The following ADAMTS15 variants were observed in gnomAD, a reference collection of about 807,000 sequenced individuals.
ADAMTS15 encodes A disintegrin and metalloproteinase with thrombospondin motifs 15.
A neutral mutation model predicts 79.1 loss-of-function variants in ADAMTS15; 35 were observed. That is an observed-to-expected ratio of 0.44 (90% confidence interval 0.34 to 0.59). ADAMTS15 has a LOEUF of 0.59. Ranked by LOEUF, ADAMTS15 falls within the 20% of genes least tolerant of loss-of-function variation. ADAMTS15 has a pLI of 0.02. For synonymous variants in ADAMTS15, 616 were observed against 567.3 expected (o/e 1.09, Z -1.22); for missense variants, 1,324 against 1,318.7 (o/e 1.00, Z -0.06).
intron 5 of ADAMTS15, 55 bp downstream of exon 5, chr11:130,469,494 C>T (rs187030729): frequency 7.2e-6 from 9 of 1,255,270 alleles, no homozygotes; most frequent in African/African-American, 4.6e-5. Flanking sequence ...GGCTGGAGGT[C>T]CCCCCACCCC....
At chr11:130,470,759 G>A (rs1383888294) in intron 5 of ADAMTS15, among the ~76,000 whole-genome samples, 161 bp from the exon 6 acceptor site, 3 of 152,130 alleles carry the variant, frequency 2.0e-5, no homozygotes, top group African/African-American at 7.2e-5. Flanking sequence ...GGTCCTTTGG[G>A]CCCAGCCTGC....
intron 1 of ADAMTS15, among the ~76,000 whole-genome samples, chr11:130,452,415 T>C (rs1485272602): frequency 3.3e-5 from 5 of 152,022 alleles, no homozygotes; most frequent in Middle Eastern, 3.2e-3. Context: ...AGAGCCAGAG[T>C]GTTTCTCATT....
At chr11:130,468,939 C>CA (rs911391031) in intron 4 of ADAMTS15, among the ~76,000 whole-genome samples, 709 of 27,838 alleles carry the variant, frequency 0.025, 18 homozygotes, top group Non-Finnish European at 0.037. Context: ...TCCACCTCAA[C>CA]AAAAAAAAAA....
At position 130,462,359 on chromosome 11, in the gene ADAMTS15, G is replaced by A; in HGVS notation, c.1258+105G>A. 6.7e-7 allele frequency: 1 copy of A among 1,486,588 alleles called. No individual in the cohort carries two copies. 92.1% of individuals were successfully genotyped at this position (1,486,588 alleles called of 1,614,324 possible). On this transcript the variant is annotated intron_variant, in intron 3 of 7. Coordinates refer to ENST00000299164, the MANE Select transcript of ADAMTS15 (RefSeq NM_139055.4). The surrounding 1 kb of genome is among the most constrained non-coding windows in gnomAD (Gnocchi z 4.3). The stretch of plus-strand genomic sequence containing the variant: ...TCCGTCCTCTGTACATTAGGTGTGT[G>A]TGCCCCCTCGGAGCCGGGCTCTGAC...
chr11:130,466,045 G>A (rs1938294038), intron 4 of ADAMTS15, among the ~76,000 whole-genome samples: 1 of 151,902 alleles, frequency 6.6e-6, no homozygotes, highest in South Asian at 2.1e-4. Context: ...GCTAATTTTT[G>A]TATTTTTAGT....
At position 130,475,203 on chromosome 11, in the gene ADAMTS15, C is replaced by T. The variant is rs576148892; in HGVS notation, c.*1382C>T. 8.7e-4 allele frequency: 132 copies of T among 152,444 alleles called. No individual in the cohort carries two copies. Among genetic ancestry groups the T allele is most frequent in the African/African-American group, 3.0e-3 (124 of 41,604 alleles). 9.4% of individuals were successfully genotyped at this position (152,444 alleles called of 1,614,324 possible). A position where few individuals can be genotyped will look rare whatever the true frequency, so the allele number is the denominator to read the frequency against. ...AAGCCGAAGACAGGGCCTCTTCAGA[C>T]TCCTTGGGAGTAGGTTTCAGGAGGC... On this transcript the variant is annotated 3_prime_UTR_variant, in exon 8 of 8. Coordinates refer to ENST00000299164, the MANE Select transcript of ADAMTS15 (RefSeq NM_139055.4).
rs959749140 is a variant in ADAMTS15, at chr11:130,471,394, G to C, written c.2078+11G>C. ...CTTCACCAAGCCCATGTGAGTTCTG[G>C]GCCCTGAAGGTCCTGCCAGGGAGCA... On this transcript the variant is annotated intron_variant, in intron 7 of 7. Coordinates refer to ENST00000299164, the MANE Select transcript of ADAMTS15 (RefSeq NM_139055.4). 9 of 1,597,072 alleles carry C rather than the reference G, an allele frequency of 5.6e-6. No homozygotes were observed. Among genetic ancestry groups the C allele is most frequent in the African/African-American group, 2.7e-5 (2 of 73,570 alleles).
intron 6 of ADAMTS15, 29 bp downstream of exon 6, chr11:130,471,130 G>A: frequency 1.2e-6 from 2 of 1,602,602 alleles, no homozygotes; most frequent in Non-Finnish European, 1.7e-6. Flanking sequence ...TGAGAACAAA[G>A]TAGGGACCAG....
Position 130,473,042 on chromosome 11 carries a change from G to T in ADAMTS15, c.2079-5G>T. The T allele has an allele frequency of 1.2e-6, 2 of 1,611,954 alleles. No individual in the cohort carries two copies. The highest frequency in any genetic ancestry group is 1.7e-5 in the Admixed American group (1 of 59,998). ...CTGATGCACGGCCCCCCTTTCCCCC[G>T]CCAGGCATGGCTACAATTTCGTGGT... On this transcript the variant is annotated splice_region_variant and splice_polypyrimidine_tract_variant and intron_variant, in intron 7 of 7. Coordinates refer to ENST00000299164, the MANE Select transcript of ADAMTS15 (RefSeq NM_139055.4).
chr11:130,473,671 C>A lies in ADAMTS15; in HGVS notation c.2703C>A (p.Ala901=), dbSNP rs111287791. 2,216 of 1,604,966 alleles carry A rather than the reference C, an allele frequency of 1.4e-3. 2 individuals carry two copies. The highest frequency in any genetic ancestry group is 1.7e-3 in the Non-Finnish European group (2,061 of 1,179,894). ...GEPCPTWELS[A]WSPCSKSCGR... is the part of the protein sequence containing the mutation. ...CCTGCCCCACCTGGGAGCTCAGCGC[C>A]TGGTCACCCTGCTCCAAGAGCTGCG... Residue 901 remains alanine, a synonymous_variant, in exon 8 of 8, where the codon GCC becomes GCA. Coordinates refer to ENST00000299164, the MANE Select transcript of ADAMTS15 (RefSeq NM_139055.4).
At chr11:130,450,007 C>G in intron 1 of ADAMTS15, 77 bp downstream of exon 1, 1 of 1,545,946 alleles carries the variant, frequency 6.5e-7, no homozygotes, top group African/African-American at 1.4e-5. Context: ...TCCAAATCCC[C>G]TTTGTATCGT....
chr11:130,468,746 A>C (rs1393253976), intron 4 of ADAMTS15, among the ~76,000 whole-genome samples: 14 of 143,186 alleles, frequency 9.8e-5, no homozygotes, highest in African/African-American at 3.7e-4. Flanking sequence ...GCCTGGGCGA[A>C]AGAGTGAGAC....
intron 1 of ADAMTS15, among the ~76,000 whole-genome samples, chr11:130,455,145 A>G (rs1938050467): frequency 6.6e-6 from 1 of 152,176 alleles, no homozygotes; most frequent in Non-Finnish European, 1.5e-5. Context: ...TGATGACATG[A>G]TACCTCACTT....
Position 130,462,861 on chromosome 11 carries a change from C to T in ADAMTS15, c.1542+81C>T. ...GGGGGCCTCGTCTGCCCTTGGTCTT[C>T]ACCAGGAAGGTGCCTATCACAGACT... On this transcript the variant is annotated intron_variant, in intron 4 of 7. Transcript: ENST00000299164. This position sits in a 1 kb window ranked among gnomAD's most constrained non-coding sequence, Gnocchi z 4.3. 6.6e-7 allele frequency: 1 copy of T among 1,518,682 alleles called. No homozygotes were observed. Among genetic ancestry groups the T allele is most frequent in the Non-Finnish European group, 8.8e-7 (1 of 1,130,266 alleles). 94.1% of individuals were successfully genotyped at this position (1,518,682 alleles called of 1,614,324 possible).
chr11:130,450,054 C>T (rs746353047), intron 1 of ADAMTS15, 124 bp downstream of exon 1: 59 of 1,493,556 alleles, frequency 4.0e-5, no homozygotes, highest in Admixed American at 1.3e-4. Context: ...TGATCTCTTC[C>T]GACTCCAACT....
intron 1 of ADAMTS15, among the ~76,000 whole-genome samples, chr11:130,460,321 C>T (rs978703808): frequency 4.0e-5 from 6 of 151,168 alleles, no homozygotes; most frequent in East Asian, 1.9e-4. Context: ...TTGTCGCCCA[C>T]GCTGGAGTGC....
Position 130,461,523 on chromosome 11 carries a change from G to A in ADAMTS15, c.992G>A (p.Gly331Asp), listed in dbSNP as rs763742669. 6.2e-7 allele frequency: 1 copy of A among 1,614,146 alleles called. No homozygotes were observed. Among genetic ancestry groups the A allele is most frequent in the South Asian group, 1.1e-5 (1 of 91,078 alleles). The change falls in exon 2 of 8, where the codon GGC becomes GAC. Residue 331 changes from glycine (G) to aspartate (D), a missense_variant. Transcript: ENST00000299164. ...GGAGCCACCACCTGTGACACCCTGG[G>A]CATGGCTGATGTGGGTACCATGTGT... is the stretch of plus-strand genomic sequence containing the variant. ...LCGATTCDTLGMADVGTMCDP... is the reference protein window; with the variant it reads ...LCGATTCDTLDMADVGTMCDP...
Position 130,462,547 on chromosome 11 carries a change from C to A in ADAMTS15, c.1309C>A (p.Leu437Met), listed in dbSNP as rs759909308. The A allele has an allele frequency of 1.2e-6, 2 of 1,610,948 alleles. No homozygotes were observed. Among genetic ancestry groups the A allele is most frequent in the African/African-American group, 2.7e-5 (2 of 74,916 alleles). The stretch of plus-strand genomic sequence containing the variant: ...CAAGCCCATCTCCCTGCCCGAGGAT[C>A]TGCCGGGCGCCAGCTACACCCTGAG... The part of the protein sequence containing the change: ...PSKPISLPED[L>M]PGASYTLSQQ... Residue 437 changes from leucine to methionine, a missense_variant, in exon 4 of 8, where the codon CTG becomes ATG. Transcript: ENST00000299164. This position sits in a 1 kb window ranked among gnomAD's most constrained non-coding sequence, Gnocchi z 4.3.
intron 4 of ADAMTS15, among the ~76,000 whole-genome samples, chr11:130,465,628 C>T (rs775723663): frequency 6.6e-6 from 1 of 152,132 alleles, no homozygotes; most frequent in African/African-American, 2.4e-5. Context: ...GACATCATTT[C>T]TCCAAAACAA....
Sources: gnomAD v4.1 joint callset for allele counts (sites outside exome capture counted in the v4.1 genomes callset) on GRCh38, gnomAD v4.1.1 for gene constraint, Gnocchi (gnomAD v3.1) non-coding constraint, MANE v1.5 for transcripts, NCBI Gene and HGNC (gene_info 2026-07-23, HGNC 2026-07-21) for gene names.